SLC30A8: variants seen among roughly 807,000 people sequenced by gnomAD.
The protein encoded by SLC30A8 is solute carrier family 30 member 8, also known as proton-coupled zinc antiporter SLC30A8.
SLC30A8 carries 27 observed loss-of-function variants against 36.9 expected under a neutral mutation model. That is an observed-to-expected ratio of 0.73 (90% CI 0.54 to 1.01). The LOEUF is 1.01. SLC30A8 is among the 50% of genes least tolerant of loss of function. The probability of loss-of-function intolerance (pLI) is 0.00; values close to 1 mark genes in which losing one functional copy is unlikely to be tolerated. For missense variants in SLC30A8, 439 were observed against 452.0 expected, an observed-to-expected ratio of 0.97 and a Z score of 0.26; for synonymous variants, 164 against 172.4, an observed-to-expected ratio of 0.95 and a Z score of 0.38.
chr8:117,066,394 C>G (rs1402573375), intron 2 of SLC30A8, among the ~76,000 whole-genome samples: 1 of 152,176 alleles, frequency 6.6e-6, no homozygotes, highest in Non-Finnish European at 1.5e-5. Flanking sequence ...GAAACAGCTT[C>G]TTTCTTGGAG....
intron 1 of SLC30A8, among the ~76,000 whole-genome samples, chr8:116,969,317 C>G (rs1195252826): frequency 6.6e-6 from 1 of 152,130 alleles, no homozygotes; most frequent in Non-Finnish European, 1.5e-5. Context: ...ATTCGGGAGG[C>G]TGAGGCAGGA....
At chr8:117,028,012 A>C (rs1172498270) in intron 1 of SLC30A8, among the ~76,000 whole-genome samples, 1 of 152,176 alleles carries the variant, frequency 6.6e-6, no homozygotes, top group African/African-American at 2.4e-5. Context: ...TTGGCAGACT[A>C]TATTTCCTCC....
chr8:116,995,553 C>A (rs979222308), intron 1 of SLC30A8, among the ~76,000 whole-genome samples: 3 of 152,024 alleles, frequency 2.0e-5, no homozygotes, highest in Non-Finnish European at 2.9e-5. Context: ...CTTTAGAAAG[C>A]CCTGTTGGTG....
intron 1 of SLC30A8, among the ~76,000 whole-genome samples, chr8:117,020,647 T>G (rs888802622): frequency 2.8e-5 from 4 of 144,134 alleles, no homozygotes; most frequent in African/African-American, 1.1e-4. Context: ...GAATAAATTC[T>G]GGTACATCTA....
intron 1 of SLC30A8, among the ~76,000 whole-genome samples, chr8:117,009,959 T>G (rs1298010092): frequency 6.6e-6 from 1 of 152,200 alleles, no homozygotes; most frequent in East Asian, 1.9e-4. Flanking sequence ...GCACTTGACT[T>G]GAAGAGGTTG....
chr8:117,117,226 C>T (rs901519117), intron 2 of SLC30A8, among the ~76,000 whole-genome samples: 1 of 151,890 alleles, frequency 6.6e-6, no homozygotes, highest in African/African-American at 2.4e-5. Context: ...CTTTTCTAAG[C>T]ACTTATTTAT....
At chr8:117,135,486 T>A (rs910029208) in intron 1 of SLC30A8, 88 bp downstream of exon 1, 2 of 972,386 alleles carry the variant, frequency 2.1e-6, no homozygotes, top group Non-Finnish European at 3.0e-6. Flanking sequence ...TGTAGGCCTT[T>A]ACTCTGCAAC....
intron 1 of SLC30A8, among the ~76,000 whole-genome samples, chr8:116,979,143 G>A (rs1359042861): frequency 1.3e-5 from 2 of 149,488 alleles, no homozygotes; most frequent in Non-Finnish European, 3.0e-5. Flanking sequence ...GGAGGCTGAG[G>A]CATGAGAATG....
At chr8:117,160,452 C>T (rs1012228928) in intron 4 of SLC30A8, among the ~76,000 whole-genome samples, 10 of 147,014 alleles carry the variant, frequency 6.8e-5, no homozygotes, top group Non-Finnish European at 9.1e-5. Flanking sequence ...CATGTGCGCG[C>T]GGTGGGGGAG....
chr8:117,034,146 G>A (rs1335193611), intron 1 of SLC30A8, among the ~76,000 whole-genome samples: 1 of 152,098 alleles, frequency 6.6e-6, no homozygotes, highest in Non-Finnish European at 1.5e-5. Context: ...TATGAGAGTG[G>A]GAGCAGATTC....
At chr8:117,108,013 G>T (rs1820069409) in intron 2 of SLC30A8, among the ~76,000 whole-genome samples, 1 of 152,098 alleles carries the variant, frequency 6.6e-6, no homozygotes, top group Non-Finnish European at 1.5e-5. Flanking sequence ...TTTAGGGAAA[G>T]AATTCTAGGA....
intron 1 of SLC30A8, among the ~76,000 whole-genome samples, chr8:116,955,669 G>T (rs1446182905): frequency 6.6e-6 from 1 of 151,262 alleles, no homozygotes; most frequent in South Asian, 2.1e-4. Context: ...GGCAAAAGTT[G>T]CTGAGATCAC....
At chr8:117,098,989 C>T (rs1317598255) in intron 2 of SLC30A8, among the ~76,000 whole-genome samples, 1 of 152,064 alleles carries the variant, frequency 6.6e-6, no homozygotes, top group East Asian at 1.9e-4. Flanking sequence ...AAAATGATTG[C>T]ATATGGTTAA....
intron 1 of SLC30A8, among the ~76,000 whole-genome samples, chr8:116,964,210 G>A (rs1045553302): frequency 6.6e-6 from 1 of 152,152 alleles, no homozygotes; most frequent in Non-Finnish European, 1.5e-5. Context: ...GATATTGGAG[G>A]CATTAAAAAA....
intron 2 of SLC30A8, among the ~76,000 whole-genome samples, chr8:117,114,206 C>T (rs1373393638): frequency 1.3e-5 from 2 of 151,794 alleles, no homozygotes; most frequent in East Asian, 4.1e-4. Context: ...GGCTGTCCTA[C>T]TGCTTGTCTA....
intron 2 of SLC30A8, among the ~76,000 whole-genome samples, chr8:117,061,701 G>A (rs1319175611): frequency 2.0e-5 from 3 of 152,190 alleles, no homozygotes; most frequent in African/African-American, 7.2e-5. Flanking sequence ...CTGCACTGGG[G>A]CATGAAAAGG....
Position 117,164,621 on chromosome 8 carries a change from C to A in SLC30A8, c.829+1091C>A, listed in dbSNP as rs180846536. Among the ~76,000 whole-genome samples the A allele has an allele frequency of 1.3e-3, 195 of 152,076 alleles. 1 individual carries two copies. Among genetic ancestry groups the A allele is most frequent in the African/African-American group, 4.6e-3 (190 of 41,496 alleles). ...AAGCTTTGTCCTCATGGGGATAATA[C>A]TTTAATAAGAGGAGAAAGAGATTAT... On this transcript the variant is annotated intron_variant, in intron 6 of 7. Transcript: ENST00000456015.
intron 2 of SLC30A8, among the ~76,000 whole-genome samples, chr8:117,121,774 A>G (rs75265070): frequency 0.056 from 8,492 of 152,018 alleles, 631 homozygotes; most frequent in African/African-American, 0.17. Flanking sequence ...CCATTCATAC[A>G]AGGTGTCTAA....
chr8:117,131,042 T>A (rs1315192456), upstream of SLC30A8, among the ~76,000 whole-genome samples: 2 of 151,984 alleles, frequency 1.3e-5, no homozygotes, highest in Non-Finnish European at 2.9e-5. Context: ...CAAATTGCAT[T>A]TTCACCAGAA....
Sources: gnomAD v4.1 joint callset for allele counts (sites outside exome capture counted in the v4.1 genomes callset) on GRCh38, gnomAD v4.1.1 for gene constraint, MANE v1.5 for transcripts, NCBI Gene and HGNC (gene_info 2026-07-23, HGNC 2026-07-21) for gene names.